Variants in EPHA1 observed in about 807,000 individuals in gnomAD.
The protein encoded by EPHA1 is EPH receptor A1, also known as ephrin type-A receptor 1.
A neutral mutation model predicts 110.1 loss-of-function variants in EPHA1; 92 were observed. The ratio of observed to expected loss-of-function variants is 0.84; its 90% CI spans 0.71 to 0.99. EPHA1 has a LOEUF of 0.99. Among genes scored for constraint, EPHA1 ranks in the 50% least tolerant of loss-of-function variants. The pLI is 0.00. For missense variants in EPHA1, 1,204 were observed against 1,285.4 expected, an observed-to-expected ratio of 0.94 and a Z score of 0.97; for synonymous variants, 500 against 516.1, an observed-to-expected ratio of 0.97 and a Z score of 0.42.
intron 2 of EPHA1, among the ~76,000 whole-genome samples, chr7:143,406,611 T>C (rs1290039813): frequency 6.6e-6 from 1 of 152,210 alleles, no homozygotes; most frequent in Non-Finnish European, 1.5e-5. Flanking sequence ...GTGATTGTTG[T>C]CTAGAGGAGG....
Position 143,393,987 on chromosome 7 carries a change from G to C in EPHA1, c.2503-123C>G. 1.5e-6 allele frequency: 2 copies of C among 1,298,256 alleles called. No individual in the cohort carries two copies. Among genetic ancestry groups the C allele is most frequent in the Non-Finnish European group, 2.1e-6 (2 of 952,350 alleles). 80.4% of individuals were successfully genotyped at this position (1,298,256 alleles called of 1,614,324 possible). A position where few individuals can be genotyped will look rare whatever the true frequency, so the allele number is the denominator to read the frequency against. ...AGGATGGGAGGAGGTGGGAGGACCAGGGTGGGACGATCACAGTGGGAGGAT... is the reference window on the plus strand; with the variant it reads ...AGGATGGGAGGAGGTGGGAGGACCACGGTGGGACGATCACAGTGGGAGGAT... On this transcript the variant is annotated intron_variant, in intron 15 of 17. Coordinates refer to ENST00000275815, the MANE Select transcript of EPHA1 (RefSeq NM_005232.5). This position sits in a 1 kb window ranked among gnomAD's most constrained non-coding sequence, Gnocchi z 5.6.
At position 143,395,400 on chromosome 7, in the gene EPHA1, A is replaced by G; in HGVS notation, c.2002T>C (p.Trp668Arg). Reference protein sequence around the residue: ...LKDTSPGGQWWNFLREATIMG... With the variant: ...LKDTSPGGQWRNFLREATIMG... ...ATAGTTGCCTCTCGAAGGAAGTTCC[A>G]CCACTGGCCACCTGGGGATGTGTCT... The change falls in exon 12 of 18, where the codon TGG (tryptophan) becomes CGG (arginine). Residue 668 changes from tryptophan to arginine, a missense_variant. Trp to Arg is a moderately radical substitution (Grantham distance 101). Coordinates refer to ENST00000275815, the MANE Select transcript of EPHA1 (RefSeq NM_005232.5). This position sits in a 1 kb window ranked among gnomAD's most constrained non-coding sequence, Gnocchi z 4.7. 10 of 1,614,186 alleles carry G rather than the reference A, an allele frequency of 6.2e-6. No individual in the cohort carries two copies. Among genetic ancestry groups the G allele is most frequent in the Non-Finnish European group, 8.5e-6 (10 of 1,180,034 alleles).
rs1026597748 is a variant in EPHA1 at position 143,395,311 on chromosome 7, C to T, written c.2083+8G>A. 2 of 1,614,192 alleles carry T rather than the reference C, an allele frequency of 1.2e-6. No homozygotes were observed. Among genetic ancestry groups the T allele is most frequent in the East Asian group, 2.2e-5 (1 of 44,894 alleles). On this transcript the variant is annotated splice_region_variant and intron_variant, in intron 12 of 17. Transcript: ENST00000275815. This position sits in a 1 kb window ranked among gnomAD's most constrained non-coding sequence, Gnocchi z 4.7. ...CCGCCCCCAGCTGAGGGAGACCACT[C>T]ATCGTACGCTTTGTGACGACGCCTT...
chr7:143,404,405 G>A (rs1382571952), intron 2 of EPHA1, among the ~76,000 whole-genome samples: 1 of 151,966 alleles, frequency 6.6e-6, no homozygotes, highest in African/African-American at 2.4e-5. Flanking sequence ...TTTTAGCAGA[G>A]ATGGGGTTTC....
Position 143,399,682 on chromosome 7 carries a change from A to G in EPHA1, c.804T>C (p.Tyr268=). 6.2e-7 allele frequency: 1 copy of G among 1,613,604 alleles called. No homozygotes were observed. The highest frequency in any genetic ancestry group is 8.5e-7 in the Non-Finnish European group (1 of 1,180,008). ...PVGRCHCEPG[Y]EEGGSGEACV... is the part of the protein sequence containing the mutation. ...ATGCTTCGCCACTGCCACCTTCCTC[A>G]TAGCCAGGCTCACAGTGGCACCGTC... is the stretch of plus-strand genomic sequence containing the variant. The change falls in exon 4 of 18, where the codon TAT becomes TAC. Residue 268 remains tyrosine (Y), a synonymous_variant. Transcript: ENST00000275815.
intron 2 of EPHA1, among the ~76,000 whole-genome samples, chr7:143,406,685 A>G (rs772110850): frequency 1.4e-4 from 22 of 152,330 alleles, no homozygotes; most frequent in Non-Finnish European, 2.6e-4. Flanking sequence ...TAAGAACTGA[A>G]TAAGATTAGA....
In EPHA1 at chr7:143,394,917, C is replaced by T. The variant is rs376954641; in HGVS notation, c.2243G>A (p.Arg748Gln). 11 of 1,614,130 alleles carry T rather than the reference C, an allele frequency of 6.8e-6. No homozygotes were observed. The highest frequency in any genetic ancestry group is 3.3e-4 in the Middle Eastern group (2 of 6,062). Residue 748 changes from arginine to glutamine, a missense_variant, in exon 14 of 18, where the codon CGG (arginine) becomes CAG (glutamine). Coordinates refer to ENST00000275815, the MANE Select transcript of EPHA1 (RefSeq NM_005232.5). ...NYLSNHNYVH[R>Q]DLAARNILVN... is the part of the protein sequence containing the mutation. ...CAAGATGTTTCTGGCAGCCAGGTCC[C>T]GGTGGACATAATTGTGATTACTGAG...
At chr7:143,407,011 G>C (rs542378443) in intron 2 of EPHA1, among the ~76,000 whole-genome samples, 1 of 152,288 alleles carries the variant, frequency 6.6e-6, no homozygotes, top group East Asian at 1.9e-4. Flanking sequence ...TCAGCCTGAG[G>C]AGGTGTGGAG....
chr7:143,408,613 G>T (rs1437034645), intron 1 of EPHA1, 111 bp downstream of exon 1: 4 of 277,316 alleles, frequency 1.4e-5, no homozygotes, highest in Non-Finnish European at 2.3e-5. Context: ...GCTGGCGAGG[G>T]TCTCGGGGAA....
In EPHA1 at chr7:143,401,532, C is replaced by T. The variant is rs1254092990; in HGVS notation, c.224G>A (p.Arg75Lys). Residue 75 changes from arginine (R) to lysine (K), a missense_variant, in exon 3 of 18, where the codon AGA becomes AAA. By Grantham distance (26) the Arg-to-Lys change is conservative (BLOSUM62 2). Coordinates refer to ENST00000275815, the MANE Select transcript of EPHA1 (RefSeq NM_005232.5). The surrounding 1 kb of genome is among the most constrained non-coding windows in gnomAD (Gnocchi z 4.1). ...MYQDCPMQGR[R>K]DTDHWLRSNW... Reference sequence around the variant, plus strand: ...GGAGCGAAGCCAGTGGTCAGTGTCTCTGCGTCCTTGCATTGGGCAGTCCTG... The same window carrying T: ...GGAGCGAAGCCAGTGGTCAGTGTCTTTGCGTCCTTGCATTGGGCAGTCCTG... 1 of 1,614,182 alleles carries T rather than the reference C, an allele frequency of 6.2e-7. No individual in the cohort carries two copies. The highest frequency in any genetic ancestry group is 1.7e-5 in the Admixed American group (1 of 60,032).
rs754006853 is a variant in EPHA1 at position 143,399,413 on chromosome 7, G to A, written c.836C>T (p.Ala279Val). 1 of 1,581,332 alleles carries A rather than the reference G, an allele frequency of 6.3e-7. No homozygotes were observed. The highest frequency in any genetic ancestry group is 2.2e-5 in the East Asian group (1 of 44,530). The change falls in exon 5 of 18, where the codon GCC becomes GTC. Residue 279 changes from alanine to valine, a missense_variant and splice_region_variant. Physicochemically the swap from Ala to Val is moderately conservative, Grantham distance 64 (BLOSUM62 0). Coordinates refer to ENST00000275815, the MANE Select transcript of EPHA1 (RefSeq NM_005232.5). ...EEGGSGEACV[A>V]CPSGSYRMDM... is the part of the protein sequence containing the mutation. ...CATCCGGTAGGAGCCGCTAGGGCAG[G>A]CTGGAGAGAGAACGCAGCAGAGCAG...
At chr7:143,406,872 A>G (rs1805565158) in intron 2 of EPHA1, among the ~76,000 whole-genome samples, 2 of 152,176 alleles carry the variant, frequency 1.3e-5, no homozygotes, top group African/African-American at 4.8e-5. Flanking sequence ...TCTGCATTTG[A>G]GTCTGAATAT....
At chr7:143,402,379 C>T (rs940766489) in intron 2 of EPHA1, among the ~76,000 whole-genome samples, 1 of 151,968 alleles carries the variant, frequency 6.6e-6, no homozygotes, top group Non-Finnish European at 1.5e-5. Flanking sequence ...TAGTCTACTC[C>T]CCTTAACTTT....
intron 2 of EPHA1, among the ~76,000 whole-genome samples, chr7:143,406,805 TGA>T (rs1432343658): frequency 6.6e-6 from 1 of 152,218 alleles, no homozygotes; most frequent in African/African-American, 2.4e-5. Flanking sequence ...TGATTTGTGT[TGA>T]GAGTGCAGTA....
In EPHA1 at chr7:143,394,381, T is replaced by C. The variant is rs199977430; in HGVS notation, c.2353-38A>G. 257 of 1,586,068 alleles carry C rather than the reference T, an allele frequency of 1.6e-4. No homozygotes were observed. In the African/African-American group the frequency reaches 3.2e-3, roughly 20 times the overall value. On this transcript the variant is annotated intron_variant, in intron 14 of 17. Coordinates refer to ENST00000275815, the MANE Select transcript of EPHA1 (RefSeq NM_005232.5). Reference sequence around the variant, plus strand: ...ATGGGTCAGGGACGGAAAGTTATGGTGTCCACCTGAGCACGAGTCTTTCTG... The same window carrying C: ...ATGGGTCAGGGACGGAAAGTTATGGCGTCCACCTGAGCACGAGTCTTTCTG...
Position 143,402,408 on chromosome 7 carries a change from C to T in EPHA1, c.151-803G>A, listed in dbSNP as rs368218013. Among the ~76,000 whole-genome samples, 4 of 151,982 alleles carry T rather than the reference C, an allele frequency of 2.6e-5. No homozygotes were observed. The East Asian group carries it at 7.7e-4, about 29-fold the overall frequency. ...TAACTTTTTGTTTGTTTGTTTGAGG[C>T]AAAGGTCTCACTCTGTCACCCAGGC... is the stretch of plus-strand genomic sequence containing the variant. On this transcript the variant is annotated intron_variant, in intron 2 of 17. Coordinates refer to ENST00000275815, the MANE Select transcript of EPHA1 (RefSeq NM_005232.5).
At position 143,391,413 on chromosome 7, in the gene EPHA1, C is replaced by G; in HGVS notation, c.*44G>C. On this transcript the variant is annotated 3_prime_UTR_variant, in exon 18 of 18. Transcript: ENST00000275815. Reference sequence around the variant, plus strand: ...TGACCATGAGCGACCTTGGCCCCGTCCTTGCTCCTTGCACCCTGATTGGGC... The same window carrying G: ...TGACCATGAGCGACCTTGGCCCCGTGCTTGCTCCTTGCACCCTGATTGGGC... 1 of 1,611,034 alleles carries G rather than the reference C, an allele frequency of 6.2e-7. No individual in the cohort carries two copies. The highest frequency in any genetic ancestry group is 8.5e-7 in the Non-Finnish European group (1 of 1,178,450).
At chr7:143,404,460 G>A (rs891802448) in intron 2 of EPHA1, among the ~76,000 whole-genome samples, 37 of 152,108 alleles carry the variant, frequency 2.4e-4, no homozygotes, top group Middle Eastern at 6.8e-3. Context: ...CTCAGGATCC[G>A]CCCGCCTCGG....
Position 143,408,748 on chromosome 7 carries a change from G to T in EPHA1, c.58C>A (p.Pro20Thr). The change falls in exon 1 of 18, where the codon CCC becomes ACC. Residue 20 changes from proline to threonine, a missense_variant. Coordinates refer to ENST00000275815, the MANE Select transcript of EPHA1 (RefSeq NM_005232.5). ...GLVLLLCAPL[P>T]PGARAKEVTL... ...CCTTCCTTGGCGCGCGCCCCCGGGG[G>T]CAGCGGGGCGCAGAGCAGCAGCACC... is the stretch of plus-strand genomic sequence containing the variant. 9.5e-7 allele frequency: 1 copy of T among 1,048,858 alleles called. No individual in the cohort carries two copies. The highest frequency in any genetic ancestry group is 3.5e-4 in the Middle Eastern group (1 of 2,866). The allele number at this position is 1,048,858 out of a possible 1,614,324, so 65.0% of individuals were successfully genotyped here.
Sources: gnomAD v4.1 joint callset for allele counts (sites outside exome capture counted in the v4.1 genomes callset) on GRCh38, gnomAD v4.1.1 for gene constraint, Gnocchi (gnomAD v3.1) non-coding constraint, MANE v1.5 for transcripts, NCBI Gene and HGNC (gene_info 2026-07-23, HGNC 2026-07-21) for gene names.